Variants in ESCO1 observed in about 807,000 individuals in gnomAD.
ESCO1 encodes establishment of sister chromatid cohesion N-acetyltransferase 1.
In ESCO1, 33 loss-of-function variants were observed where a neutral mutation model predicts 83.5. The observed-to-expected ratio is 0.40, with a 90% CI of 0.30 to 0.53. The LOEUF (loss-of-function observed/expected upper bound fraction) is 0.53. Ranked by LOEUF, ESCO1 falls within the 20% of genes least tolerant of loss-of-function variation. The pLI, the probability that ESCO1 is intolerant of heterozygous loss-of-function variation, is 0.63. For synonymous variants in ESCO1, 332 were observed against 324.3 expected, an observed-to-expected ratio of 1.02 and a Z score of -0.25; for missense variants, 855 against 968.0, an observed-to-expected ratio of 0.88 and a Z score of 1.55.
At chr18:21,541,237 T>C (rs2037901871) in intron 8 of ESCO1, among the ~76,000 whole-genome samples, 2 of 152,172 alleles carry the variant, frequency 1.3e-5, no homozygotes, top group African/African-American at 4.8e-5. Context: ...GCAGAAACAA[T>C]AGCCACAGAA....
At chr18:21,599,741 C>T (rs2038814957) in intron 1 of ESCO1, among the ~76,000 whole-genome samples, 1 of 152,154 alleles carries the variant, frequency 6.6e-6, no homozygotes, top group African/African-American at 2.4e-5. Context: ...CCCGCTGCGT[C>T]CCCATCGCCC....
At chr18:21,579,977 C>T (rs2146218143) in intron 2 of ESCO1, among the ~76,000 whole-genome samples, 1 of 150,918 alleles carries the variant, frequency 6.6e-6, no homozygotes, top group East Asian at 2.0e-4. Flanking sequence ...CTCACTGCAA[C>T]CTCCGTCTCC....
chr18:21,540,509 AAT>A (rs1364539527), intron 8 of ESCO1: 1 of 1,181,984 alleles, frequency 8.5e-7, no homozygotes, highest in Admixed American at 3.5e-5. Context: ...GTATGAAAGG[AAT>A]AGTCTTATGC....
rs1598467451 is a variant in ESCO1 at position 21,567,926 on chromosome 18, G to A, written c.1645+54C>T. On this transcript the variant is annotated intron_variant, in intron 5 of 11. Transcript: ENST00000269214. ...GGTATATAACATTTTCTGTAATACT[G>A]ACAAAAATGTCACTGAAGACTATGA... 47 of 1,370,074 alleles carry A rather than the reference G, an allele frequency of 3.4e-5. No homozygotes were observed. The East Asian group carries it at 1.1e-3, about 32-fold the overall frequency. 84.9% of individuals were successfully genotyped at this position (1,370,074 alleles called of 1,614,324 possible).
chr18:21,555,779 G>A (rs1157420641), intron 8 of ESCO1, among the ~76,000 whole-genome samples: 1 of 151,880 alleles, frequency 6.6e-6, no homozygotes, highest in Non-Finnish European at 1.5e-5. Context: ...TACACCCTAG[G>A]TGACAGAGCG....
At chr18:21,564,424 T>A (rs1290951324) in intron 6 of ESCO1, 107 bp from the exon 7 acceptor site, 2 of 765,936 alleles carry the variant, frequency 2.6e-6, no homozygotes, top group Non-Finnish European at 4.0e-6. Context: ...GAAGTCTCAC[T>A]CTGTCGCCCA....
chr18:21,535,936 T>TC, intron 10 of ESCO1, 106 bp downstream of exon 10: 1 of 1,383,992 alleles, frequency 7.2e-7, no homozygotes, highest in Non-Finnish European at 9.9e-7. Flanking sequence ...TTAAAACTGA[T>TC]CTTTACATGA....
chr18:21,533,965 C>A (rs921946272), intron 10 of ESCO1, among the ~76,000 whole-genome samples: 1 of 152,066 alleles, frequency 6.6e-6, no homozygotes, highest in African/African-American at 2.4e-5. Flanking sequence ...AGTGCAGTGG[C>A]TATTCACAGA....
At chr18:21,587,386 C>G (rs1251909809) in intron 1 of ESCO1, among the ~76,000 whole-genome samples, 1 of 152,070 alleles carries the variant, frequency 6.6e-6, no homozygotes, top group Non-Finnish European at 1.5e-5. Flanking sequence ...GCCATCTGAG[C>G]CTGGGCTTTT....
chr18:21,554,626 T>C (rs1400868988), intron 8 of ESCO1, among the ~76,000 whole-genome samples: 1 of 151,880 alleles, frequency 6.6e-6, no homozygotes, highest in Non-Finnish European at 1.5e-5. Context: ...AATAAAAAAT[T>C]AGGCAAGGCG....
chr18:21,544,873 G>A (rs1283592953), intron 8 of ESCO1, among the ~76,000 whole-genome samples: 1 of 152,166 alleles, frequency 6.6e-6, no homozygotes. Context: ...GTATTTAGAA[G>A]TAAAAAATAA....
intron 8 of ESCO1, among the ~76,000 whole-genome samples, chr18:21,553,374 A>C (rs1238963348): frequency 2.0e-5 from 3 of 148,066 alleles, no homozygotes; most frequent in Non-Finnish European, 4.4e-5. Context: ...TGGGATGCCA[A>C]GGCAGGTGGA....
Position 21,530,481 on chromosome 18 carries a change from A to G in ESCO1, c.2385T>C (p.Phe795=). The change falls in exon 12 of 12, where the codon TTT becomes TTC. Residue 795 remains phenylalanine (F), a synonymous_variant. Coordinates refer to ENST00000269214, the MANE Select transcript of ESCO1 (RefSeq NM_052911.3). ...CTTTGCTCAAATATGAGCCATATAT[A>G]AAGTTACTCCTATTAAAAAAAAATG... The part of the protein sequence containing the change: ...SRMIECLRSN[F]IYGSYLSKEE... 1 of 1,523,074 alleles carries G rather than the reference A, an allele frequency of 6.6e-7. No individual in the cohort carries two copies. Among genetic ancestry groups the G allele is most frequent in the African/African-American group, 1.5e-5 (1 of 65,940 alleles). The allele number at this position is 1,523,074 out of a possible 1,614,324, so 94.3% of individuals were successfully genotyped here. A position where few individuals can be genotyped will look rare whatever the true frequency, so the allele number is the denominator to read the frequency against.
intron 8 of ESCO1, among the ~76,000 whole-genome samples, chr18:21,552,486 A>G (rs984038336): frequency 7.9e-5 from 12 of 152,182 alleles, no homozygotes; most frequent in Admixed American, 2.0e-4. Flanking sequence ...AAGAAGGACA[A>G]ATCTGCTTCC....
intron 4 of ESCO1, among the ~76,000 whole-genome samples, 163 bp from the exon 5 acceptor site, chr18:21,568,257 C>A (rs2038289822): frequency 6.6e-6 from 1 of 152,112 alleles, no homozygotes; most frequent in Admixed American, 6.5e-5. Flanking sequence ...TACCCTCTCA[C>A]CATCAGGGCC....
At chr18:21,578,226 GAC>G (rs1258221260) in intron 2 of ESCO1, among the ~76,000 whole-genome samples, 1 of 151,838 alleles carries the variant, frequency 6.6e-6, no homozygotes, top group African/African-American at 2.4e-5. Flanking sequence ...CAAAATTAGA[GAC>G]AAAAACTAAA....
intron 2 of ESCO1, among the ~76,000 whole-genome samples, chr18:21,579,011 C>T (rs1048608728): frequency 4.6e-5 from 7 of 152,144 alleles, no homozygotes; most frequent in African/African-American, 2.4e-5. Context: ...CAGGCACGCA[C>T]CACTACACCG....
chr18:21,534,631 C>A (rs1384077484), intron 10 of ESCO1, among the ~76,000 whole-genome samples: 1 of 150,078 alleles, frequency 6.7e-6, no homozygotes, highest in African/African-American at 2.4e-5. Context: ...CAGGTGTGGG[C>A]CTTTTTTTTT....
chr18:21,548,882 G>A (rs1046394841), intron 8 of ESCO1, among the ~76,000 whole-genome samples: 6 of 151,534 alleles, frequency 4.0e-5, no homozygotes, highest in African/African-American at 1.5e-4. Context: ...CAAGGCAACA[G>A]TGAGCTCATC....
Sources: gnomAD v4.1 joint callset for allele counts (sites outside exome capture counted in the v4.1 genomes callset) on GRCh38, gnomAD v4.1.1 for gene constraint, MANE v1.5 for transcripts, NCBI Gene and HGNC (gene_info 2026-07-23, HGNC 2026-07-21) for gene names.